The following FANCD2 variants were observed in gnomAD, a reference collection of about 807,000 sequenced individuals.
FANCD2 encodes the protein Fanconi anemia group D2 protein.
In FANCD2, 131 loss-of-function variants were observed where a neutral mutation model predicts 192.3. The ratio of observed to expected loss-of-function variants is 0.68; its 90% CI spans 0.59 to 0.79. The LOEUF (loss-of-function observed/expected upper bound fraction) is 0.79. Ranked by LOEUF, FANCD2 falls within the 30% of genes least tolerant of loss-of-function variation. The pLI, the probability that FANCD2 is intolerant of heterozygous loss-of-function variation, is 0.00. For missense variants in FANCD2, 1,508 were observed against 1,701.6 expected, an observed-to-expected ratio of 0.89 and a Z score of 2.00; for synonymous variants, 524 against 612.5, an observed-to-expected ratio of 0.86 and a Z score of 2.13.
At chr3:10,054,166 T>G (rs1255806908) in intron 18 of FANCD2, among the ~76,000 whole-genome samples, 2 of 151,638 alleles carry the variant, frequency 1.3e-5, no homozygotes, top group African/African-American at 4.8e-5. Flanking sequence ...AAGCCATGTT[T>G]GTGCCACTGC....
chr3:10,045,035 A>G (rs2086961457), intron 14 of FANCD2, among the ~76,000 whole-genome samples: 1 of 144,918 alleles, frequency 6.9e-6, no homozygotes, highest in Non-Finnish European at 1.5e-5. Context: ...AGTTAAGATA[A>G]GTAGTAAAAT....
At chr3:10,067,458 AC>A (rs2087752857) in intron 26 of FANCD2, 141 bp downstream of exon 26, 3 of 654,018 alleles carry the variant, frequency 4.6e-6, no homozygotes, top group Admixed American at 5.1e-5. Flanking sequence ...GAACATTGAT[AC>A]AAAAATCCTA....
At chr3:10,052,618 A>G (rs2087252047) in intron 18 of FANCD2, 121 bp downstream of exon 18, 2 of 719,424 alleles carry the variant, frequency 2.8e-6, no homozygotes, top group East Asian at 2.7e-5. Context: ...TCCTGGGTTC[A>G]AGCGATTCTC....
intron 36 of FANCD2, 26 bp from the exon 37 acceptor site, chr3:10,090,266 G>T (rs749891839): frequency 6.5e-7 from 1 of 1,535,004 alleles, no homozygotes; most frequent in South Asian, 1.1e-5. Flanking sequence ...CATGGTGTGG[G>T]CACGCATGCT....
chr3:10,049,041 A>G (rs999094504), intron 16 of FANCD2, among the ~76,000 whole-genome samples: 6 of 151,980 alleles, frequency 3.9e-5, no homozygotes, highest in Admixed American at 1.3e-4. Flanking sequence ...AGGAATTTCA[A>G]CTGATCTTGT....
Position 10,065,383 on chromosome 3 carries a change from C to G in FANCD2, c.2169-11C>G. ...TGAAGTGTGGTCTAGAAATTTATTT[C>G]TCCTTCTCAGATTGGTGTCTCCGCT... On this transcript the variant is annotated splice_polypyrimidine_tract_variant and intron_variant, in intron 23 of 43. Coordinates refer to ENST00000675286, the MANE Select transcript of FANCD2 (RefSeq NM_001018115.3). 6.3e-7 allele frequency: 1 copy of G among 1,589,460 alleles called. No homozygotes were observed. Among genetic ancestry groups the G allele is most frequent in the Non-Finnish European group, 8.6e-7 (1 of 1,157,546 alleles).
chr3:10,031,230 A>G lies in FANCD2; in HGVS notation c.65-1602A>G, dbSNP rs62245505. ...TAGAAAGAGGGAAAGGAGGCCAGGC[A>G]CGGTGGCTCACGCCTGTAATCCCAG... On this transcript the variant is annotated intron_variant, in intron 2 of 43. Coordinates refer to ENST00000675286, the MANE Select transcript of FANCD2 (RefSeq NM_001018115.3). Among the ~76,000 whole-genome samples, 1,289 of 152,252 alleles carry G rather than the reference A, an allele frequency of 8.5e-3. 3 individuals carry two copies. Among genetic ancestry groups the G allele is most frequent in the Middle Eastern group, 0.014 (4 of 294 alleles).
At position 10,074,610 on chromosome 3, in the gene FANCD2, C is replaced by G; in HGVS notation, c.2796C>G (p.Val932=). The G allele has an allele frequency of 6.2e-7, 1 of 1,613,562 alleles. No individual in the cohort carries two copies. Among genetic ancestry groups the G allele is most frequent in the Non-Finnish European group, 8.5e-7 (1 of 1,179,618 alleles). Residue 932 remains valine (V), a synonymous_variant, in exon 29 of 44, where the codon GTC becomes GTG. Transcript: ENST00000675286. ...TTTTCCGAGAGCTGGACATTGAGGT[C>G]TTCTCTATTCTACATTGTGGACTTG... ...HAFFRELDIE[V]FSILHCGLVT...
chr3:10,095,540 T>G (rs1326722687), intron 41 of FANCD2, among the ~76,000 whole-genome samples: 1 of 152,230 alleles, frequency 6.6e-6, no homozygotes, highest in Non-Finnish European at 1.5e-5. Flanking sequence ...AATGCTGGTA[T>G]ATGTTTACTT....
At chr3:10,097,406 C>G (rs1345073461) in intron 42 of FANCD2, among the ~76,000 whole-genome samples, 2 of 152,104 alleles carry the variant, frequency 1.3e-5, no homozygotes, top group South Asian at 2.1e-4. Context: ...CCCGGGGGGG[C>G]CCAGTTCAGA....
Position 10,049,441 on chromosome 3 carries a change from A to T in FANCD2, c.1481A>T (p.Asp494Val). 1 of 1,610,616 alleles carries T rather than the reference A, an allele frequency of 6.2e-7. No homozygotes were observed. Among genetic ancestry groups the T allele is most frequent in the African/African-American group, 1.3e-5 (1 of 74,396 alleles). Reference protein sequence around the residue: ...GNEAEVDTALDVLLELVVLNP... With the variant: ...GNEAEVDTALVVLLELVVLNP... ...GAAGCTGAAGTTGATACTGCCTTAG[A>T]TGTCCTTCTAGAGTTGGTAGTGTTA... Residue 494 changes from aspartate (D) to valine (V), a missense_variant, in exon 17 of 44, where the codon GAT becomes GTT. Transcript: ENST00000675286.
At chr3:10,077,527 C>A (rs1198221573) in intron 29 of FANCD2, among the ~76,000 whole-genome samples, 5 of 151,972 alleles carry the variant, frequency 3.3e-5, no homozygotes, top group Non-Finnish European at 7.4e-5. Context: ...TGCCCTCCAG[C>A]CTGGGTGACG....
At chr3:10,089,250 A>C (rs1370987868) in intron 36 of FANCD2, among the ~76,000 whole-genome samples, 1 of 151,534 alleles carries the variant, frequency 6.6e-6, no homozygotes, top group Non-Finnish European at 1.5e-5. Context: ...GCGCCACTGC[A>C]CTCCAGCCTG....
intron 10 of FANCD2, 151 bp downstream of exon 10, chr3:10,041,861 C>CTG (rs2086872809): frequency 6.0e-6 from 4 of 662,548 alleles, no homozygotes; most frequent in African/African-American, 5.6e-5. Flanking sequence ...TTTTTTTCCC[C>CTG]TCAATGAGTT....
intron 32 of FANCD2, among the ~76,000 whole-genome samples, chr3:10,081,834 G>T (rs916898959): frequency 1.3e-5 from 2 of 152,098 alleles, no homozygotes; most frequent in African/African-American, 4.8e-5. Context: ...TGGGACTCAA[G>T]GGAACCCCAG....
chr3:10,100,015 C>T (rs1161693619), intron 43 of FANCD2, among the ~76,000 whole-genome samples: 1 of 151,998 alleles, frequency 6.6e-6, no homozygotes, highest in African/African-American at 2.4e-5. Flanking sequence ...GAGACCCCAT[C>T]TCTACAGAAA....
At chr3:10,087,674 G>A (rs1291775036) in intron 34 of FANCD2, among the ~76,000 whole-genome samples, 1 of 151,858 alleles carries the variant, frequency 6.6e-6, no homozygotes, top group African/African-American at 2.4e-5. Context: ...TTGAGACAGA[G>A]TCTCGTTCTG....
rs547311009 is a variant in FANCD2, at chr3:10,098,654, C to T, written c.4186-66C>T. On this transcript the variant is annotated intron_variant, in intron 42 of 43. Transcript: ENST00000675286. ...CCTTTGTATTGCCTGTAAACTCAAC[C>T]TTCTCCCCTATTACCCTAAATGTGA... The T allele has an allele frequency of 5.7e-6, 9 of 1,582,720 alleles. No homozygotes were observed. In the Admixed American group the frequency reaches 1.3e-4, roughly 23 times the overall value.
chr3:10,041,519 A>G, intron 9 of FANCD2, 104 bp from the exon 10 acceptor site: 3 of 849,748 alleles, frequency 3.5e-6, no homozygotes, highest in East Asian at 4.9e-5. Context: ...GCAACTAAGT[A>G]TGTCCTTTAT....
Sources: gnomAD v4.1 joint callset for allele counts (sites outside exome capture counted in the v4.1 genomes callset) on GRCh38, gnomAD v4.1.1 for gene constraint, MANE v1.5 for transcripts, NCBI Gene and HGNC (gene_info 2026-07-23, HGNC 2026-07-21) for gene names.